The following HDAC10 variants were observed in gnomAD, a reference collection of about 807,000 sequenced individuals.
HDAC10 encodes polyamine deacetylase HDAC10.
Under a neutral mutation model 82.3 loss-of-function variants are expected in HDAC10, and 90 were observed. The ratio of observed to expected loss-of-function variants is 1.09; its 90% CI spans 0.92 to 1.30. The LOEUF is 1.30. HDAC10 is among the 50% of genes most tolerant of loss of function. The probability of loss-of-function intolerance (pLI) is 0.00; values close to 1 mark genes in which losing one functional copy is unlikely to be tolerated. For missense variants in HDAC10, 934 were observed against 876.3 expected, an observed-to-expected ratio of 1.07 and a Z score of -0.83; for synonymous variants, 456 against 391.7, an observed-to-expected ratio of 1.16 and a Z score of -1.94.
At position 50,245,707 on chromosome 22, in the gene HDAC10, C is replaced by T; in HGVS notation, c.1954G>A (p.Gly652Arg). ...EDVQALMYLR[G>R]QLEPQWKMLQ... is the part of the protein sequence containing the mutation. Reference sequence around the variant, plus strand: ...ATCTTCCACTGAGGCTCCAGCTGCCCTCTCAGGTACATCAGGGCCTGGACG... The same window carrying T: ...ATCTTCCACTGAGGCTCCAGCTGCCTTCTCAGGTACATCAGGGCCTGGACG... Residue 652 changes from glycine to arginine, a missense_variant, in exon 19 of 20, where the codon GGG (glycine) becomes AGG (arginine). Transcript: ENST00000216271. 1.9e-6 allele frequency: 3 copies of T among 1,613,260 alleles called. No homozygotes were observed. The highest frequency in any genetic ancestry group is 2.5e-6 in the Non-Finnish European group (3 of 1,179,952).
rs149579149 is a variant in HDAC10, at chr22:50,246,343, C to T, written c.1605G>A (p.Glu535=). The part of the protein sequence containing the change: ...RSLWLNIRGK[E]AAALSMFHVS... ...CATGGAACATGGATAGGGCAGCCGC[C>T]TCCTTGCCCCTGATGTTCAGCCACA... Residue 535 remains glutamate, a synonymous_variant, in exon 17 of 20, where the codon GAG becomes GAA. Coordinates refer to ENST00000216271, the MANE Select transcript of HDAC10 (RefSeq NM_032019.6). 36 of 1,612,860 alleles carry T rather than the reference C, an allele frequency of 2.2e-5. No homozygotes were observed. Among genetic ancestry groups the T allele is most frequent in the Non-Finnish European group, 3.1e-5 (36 of 1,179,976 alleles).
At position 50,248,500 on chromosome 22, in the gene HDAC10, G is replaced by A. The variant is rs1278591454; in HGVS notation, c.907-28C>T. On this transcript the variant is annotated intron_variant, in intron 10 of 19. Coordinates refer to ENST00000216271, the MANE Select transcript of HDAC10 (RefSeq NM_032019.6). The surrounding 1 kb of genome is among the most constrained non-coding windows in gnomAD (Gnocchi z 5.4). ...GGGAGGAGGGTGGAGACATGATTGG[G>A]GCAGAGATATCACTGGGATGGGATG... The A allele has an allele frequency of 1.3e-6, 2 of 1,588,438 alleles. No individual in the cohort carries two copies. Among genetic ancestry groups the A allele is most frequent in the Non-Finnish European group, 1.7e-6 (2 of 1,170,064 alleles).
rs1239776803 is a variant in HDAC10, at chr22:50,248,812, G to A, written c.816+19C>T. Reference sequence around the variant, plus strand: ...CCCCAGGACCCCAGAAGCCCTCCCTGGCAAGGCAAGGCCCTCACCTCAGGG... The same window carrying A: ...CCCCAGGACCCCAGAAGCCCTCCCTAGCAAGGCAAGGCCCTCACCTCAGGG... On this transcript the variant is annotated intron_variant, in intron 9 of 19. Coordinates refer to ENST00000216271, the MANE Select transcript of HDAC10 (RefSeq NM_032019.6). This position sits in a 1 kb window ranked among gnomAD's most constrained non-coding sequence, Gnocchi z 5.4. The A allele has an allele frequency of 1.2e-6, 2 of 1,608,650 alleles. No individual in the cohort carries two copies. Among genetic ancestry groups the A allele is most frequent in the Admixed American group, 3.4e-5 (2 of 59,504 alleles).
chr22:50,251,132 C>G lies in HDAC10; in HGVS notation c.-100G>C. 7.5e-7 allele frequency: 1 copy of G among 1,324,508 alleles called. No individual in the cohort carries two copies. Among genetic ancestry groups the G allele is most frequent in the Non-Finnish European group, 1.0e-6 (1 of 957,326 alleles). 82.0% of individuals were successfully genotyped at this position (1,324,508 alleles called of 1,614,324 possible). On this transcript the variant is annotated 5_prime_UTR_variant, in exon 1 of 20. Transcript: ENST00000216271. Reference sequence around the variant, plus strand: ...GCCGGGAGCAGCCGGAGGCCTGGGACCTGCCTGGGGCGCAGGCGGGCGGCG... The same window carrying G: ...GCCGGGAGCAGCCGGAGGCCTGGGAGCTGCCTGGGGCGCAGGCGGGCGGCG...
At chr22:50,246,424 A>C (rs2064948845) in intron 16 of HDAC10, 48 bp from the exon 17 acceptor site, 1 of 1,493,670 alleles carries the variant, frequency 6.7e-7, no homozygotes, top group South Asian at 1.1e-5. Context: ...CACCCTCCTG[A>C]GCCCAAACCG....
At chr22:50,250,186 C>T (rs1482493197) in intron 3 of HDAC10, 26 bp from the exon 4 acceptor site, 2 of 1,590,356 alleles carry the variant, frequency 1.3e-6, no homozygotes, top group South Asian at 2.2e-5. Flanking sequence ...CGCAGATGAG[C>T]CCCCTGCCTT....
At chr22:50,246,455 C>A in intron 16 of HDAC10, 79 bp from the exon 17 acceptor site, 1 of 1,275,862 alleles carries the variant, frequency 7.8e-7, no homozygotes, top group South Asian at 1.2e-5. Flanking sequence ...GGTGGAAGAG[C>A]ATTCACGGGG....
chr22:50,245,232 C>G lies in HDAC10; in HGVS notation c.*275G>C, dbSNP rs1340407471. The G allele has an allele frequency of 1.7e-6, 1 of 573,756 alleles. No individual in the cohort carries two copies. Among genetic ancestry groups the G allele is most frequent in the African/African-American group, 2.0e-5 (1 of 51,090 alleles). The allele number at this position is 573,756 out of a possible 1,614,324, so 35.5% of individuals were successfully genotyped here. A position where few individuals can be genotyped will look rare whatever the true frequency, so the allele number is the denominator to read the frequency against. Reference sequence around the variant, plus strand: ...CGGCGCAAGGGCGGGGAGCGAAGCGCAGCGGGGCGCAGGGGCCGGAACGGG... The same window carrying G: ...CGGCGCAAGGGCGGGGAGCGAAGCGGAGCGGGGCGCAGGGGCCGGAACGGG... On this transcript the variant is annotated 3_prime_UTR_variant, in exon 20 of 20. Transcript: ENST00000216271.
In HDAC10 at chr22:50,251,017, C is replaced by G. The variant is rs1417718854; in HGVS notation, c.16G>C (p.Val6Leu). 2.5e-6 allele frequency: 4 copies of G among 1,611,796 alleles called. No individual in the cohort carries two copies. Among genetic ancestry groups the G allele is most frequent in the African/African-American group, 1.3e-5 (1 of 74,916 alleles). ...GTGGCCGTCATGTCCTCATGGTACA[C>G]AAGCGCGGTCCCCATGGCTGCGCCG... is the stretch of plus-strand genomic sequence containing the variant. MGTALVYHEDMTATRL... is the reference protein window; with the variant it reads MGTALLYHEDMTATRL... Residue 6 changes from valine to leucine, a missense_variant, in exon 1 of 20, where the codon GTG becomes CTG. Physicochemically the swap from Val to Leu is conservative, Grantham distance 32. Coordinates refer to ENST00000216271, the MANE Select transcript of HDAC10 (RefSeq NM_032019.6).
Position 50,247,925 on chromosome 22 carries a change from C to A in HDAC10, c.1302G>T (p.Ala434=). ...VLPPDVIQQE[A]SALREETEAW... Reference sequence around the variant, plus strand: ...CTTCTGTCTCCTCCCTCAGGGCTGACGCTTCCTGTTGGATGACGTCAGGGG... The same window carrying A: ...CTTCTGTCTCCTCCCTCAGGGCTGAAGCTTCCTGTTGGATGACGTCAGGGG... Residue 434 remains alanine (A), a synonymous_variant, in exon 13 of 20, where the codon GCG becomes GCT. Transcript: ENST00000216271. 6 of 1,612,798 alleles carry A rather than the reference C, an allele frequency of 3.7e-6. No homozygotes were observed. Among genetic ancestry groups the A allele is most frequent in the Non-Finnish European group, 5.1e-6 (6 of 1,179,976 alleles).
rs772345700 is a variant in HDAC10, at chr22:50,248,919, C to A, written c.757-29G>T. ...CAGGCCAGGCCGGAGTGGGGAGGGT[C>A]GACAGAGAGGGGCTGGAGCCCAGGT... On this transcript the variant is annotated intron_variant, in intron 8 of 19. Coordinates refer to ENST00000216271, the MANE Select transcript of HDAC10 (RefSeq NM_032019.6). The surrounding 1 kb of genome is among the most constrained non-coding windows in gnomAD (Gnocchi z 5.4). 1.2e-6 allele frequency: 2 copies of A among 1,603,834 alleles called. No individual in the cohort carries two copies. The highest frequency in any genetic ancestry group is 1.7e-5 in the Admixed American group (1 of 58,958).
rs1241145303 is a variant in HDAC10, at chr22:50,248,994, A to G, written c.757-104T>C. 1 of 1,451,628 alleles carries G rather than the reference A, an allele frequency of 6.9e-7. No individual in the cohort carries two copies. Among genetic ancestry groups the G allele is most frequent in the Non-Finnish European group, 9.5e-7 (1 of 1,053,634 alleles). 89.9% of individuals were successfully genotyped at this position (1,451,628 alleles called of 1,614,324 possible). ...CCCCTCCTGAGCACCTTCCCCAGCCACACAGGAGTGGGACAGCTCATAACC... is the reference window on the plus strand; with the variant it reads ...CCCCTCCTGAGCACCTTCCCCAGCCGCACAGGAGTGGGACAGCTCATAACC... On this transcript the variant is annotated intron_variant, in intron 8 of 19. Coordinates refer to ENST00000216271, the MANE Select transcript of HDAC10 (RefSeq NM_032019.6). This position sits in a 1 kb window ranked among gnomAD's most constrained non-coding sequence, Gnocchi z 5.4.
chr22:50,248,983 C>T lies in HDAC10; in HGVS notation c.757-93G>A, dbSNP rs1426277050. 6.1e-6 allele frequency: 9 copies of T among 1,471,184 alleles called. No homozygotes were observed. The Admixed American group carries it at 7.7e-5, about 13-fold the overall frequency. 91.1% of individuals were successfully genotyped at this position (1,471,184 alleles called of 1,614,324 possible). A position where few individuals can be genotyped will look rare whatever the true frequency, so the allele number is the denominator to read the frequency against. The stretch of plus-strand genomic sequence containing the variant: ...GCCCATCCCATCCCCTCCTGAGCAC[C>T]TTCCCCAGCCACACAGGAGTGGGAC... On this transcript the variant is annotated intron_variant, in intron 8 of 19. Transcript: ENST00000216271. The surrounding 1 kb of genome is among the most constrained non-coding windows in gnomAD (Gnocchi z 5.4).
At position 50,250,990 on chromosome 22, in the gene HDAC10, G is replaced by A. The variant is rs542194192; in HGVS notation, c.43C>T (p.Arg15Trp). The A allele has an allele frequency of 2.5e-6, 4 of 1,612,576 alleles. No homozygotes were observed. The highest frequency in any genetic ancestry group is 2.7e-5 in the African/African-American group (2 of 75,056). The change falls in exon 1 of 20, where the codon CGG becomes TGG. Residue 15 changes from arginine (R) to tryptophan (W), a missense_variant. Arg to Trp is a moderately radical substitution (Grantham distance 101, BLOSUM62 -3). Coordinates refer to ENST00000216271, the MANE Select transcript of HDAC10 (RefSeq NM_032019.6). ...LVYHEDMTAT[R>W]LLWDDPECEI... ...CCCACTTACTCGTCCCAGAGCAGCCGGGTGGCCGTCATGTCCTCATGGTAC... is the reference window on the plus strand; with the variant it reads ...CCCACTTACTCGTCCCAGAGCAGCCAGGTGGCCGTCATGTCCTCATGGTAC...
In HDAC10 at chr22:50,251,081, C is replaced by T. The variant is rs1214907119; in HGVS notation, c.-49G>A. The T allele has an allele frequency of 9.1e-6, 14 of 1,535,002 alleles. No individual in the cohort carries two copies. The highest frequency in any genetic ancestry group is 1.1e-5 in the Non-Finnish European group (12 of 1,123,004). ...TTCCCAAACGCCCTCGCTAGTGGTG[C>T]CTGCCACTGCCTGTCCCCACCTTCG... On this transcript the variant is annotated 5_prime_UTR_variant, in exon 1 of 20. Transcript: ENST00000216271.
chr22:50,247,457 C>T (rs566276963), intron 14 of HDAC10: 23 of 476,456 alleles, frequency 4.8e-5, no homozygotes, highest in African/African-American at 2.3e-4. Context: ...AAATCACCCC[C>T]TTCACCTCTC....
At position 50,247,683 on chromosome 22, in the gene HDAC10, T is replaced by TG; in HGVS notation, c.1422+8dup. On this transcript the variant is annotated intron_variant, in intron 14 of 19. Coordinates refer to ENST00000216271, the MANE Select transcript of HDAC10 (RefSeq NM_032019.6). ...CACAGCATCCCCAACCCCTCCCAGGTGCTCCCACCTGCCCATCCAGCATCC... is the reference window on the plus strand; with the variant it reads ...CACAGCATCCCCAACCCCTCCCAGGTGGCTCCCACCTGCCCATCCAGCATCC... 6.4e-7 allele frequency: 1 copy of TG among 1,555,056 alleles called. No homozygotes were observed. The highest frequency in any genetic ancestry group is 8.7e-7 in the Non-Finnish European group (1 of 1,144,266).
chr22:50,246,472 G>T, intron 16 of HDAC10, 96 bp from the exon 17 acceptor site: 1 of 1,168,718 alleles, frequency 8.6e-7, no homozygotes, highest in South Asian at 1.3e-5. Context: ...GGGGCCATGG[G>T]CAGGGGTGCT....
rs146379292 is a variant in HDAC10 at position 50,246,941 on chromosome 22, G to A, written c.1448C>T (p.Pro483Leu). 8.8e-5 allele frequency: 141 copies of A among 1,610,714 alleles called. No homozygotes were observed. In the African/African-American group the frequency reaches 1.8e-3, roughly 20 times the overall value. The change falls in exon 15 of 20, where the codon CCA becomes CTA. Residue 483 changes from proline (P) to leucine (L), a missense_variant. Transcript: ENST00000216271. ...GQVNSGIAATPASAAAATLDV... is the reference protein window; with the variant it reads ...GQVNSGIAATLASAAAATLDV... ...CAGGGTGGCTGCTGCAGCAGAGGCTGGAGTGGCTGCTATACCACTGTTCAC... is the reference window on the plus strand; with the variant it reads ...CAGGGTGGCTGCTGCAGCAGAGGCTAGAGTGGCTGCTATACCACTGTTCAC...
Sources: gnomAD v4.1 joint callset for allele counts on GRCh38, gnomAD v4.1.1 for gene constraint, Gnocchi (gnomAD v3.1) non-coding constraint, MANE v1.5 for transcripts, NCBI Gene and HGNC (gene_info 2026-07-23, HGNC 2026-07-21) for gene names.